Variants in RANBP17 observed in about 807,000 individuals in gnomAD.
The protein encoded by RANBP17 is RAN binding protein 17, also known as ran-binding protein 17.
Under a neutral mutation model 141.2 loss-of-function variants are expected in RANBP17, and 158 were observed. The ratio of observed to expected loss-of-function variants is 1.12; its 90% CI spans 0.98 to 1.28. RANBP17 has a LOEUF of 1.28. Among genes scored for constraint, RANBP17 ranks in the 50% most tolerant of loss-of-function variants. RANBP17 has a pLI of 0.00. For missense variants in RANBP17, 1,438 were observed against 1,290.7 expected, an observed-to-expected ratio of 1.11 and a Z score of -1.75; for synonymous variants, 430 against 450.0, an observed-to-expected ratio of 0.96 and a Z score of 0.56.
At chr5:170,888,157 T>C (rs1008086557) in intron 3 of RANBP17, among the ~76,000 whole-genome samples, 4 of 152,226 alleles carry the variant, frequency 2.6e-5, no homozygotes, top group African/African-American at 9.6e-5. Context: ...GTGTTGGCTA[T>C]TTTGGTATTG....
At chr5:171,191,753 G>C (rs979805440) in intron 18 of RANBP17, among the ~76,000 whole-genome samples, 1 of 151,748 alleles carries the variant, frequency 6.6e-6, no homozygotes, top group East Asian at 1.9e-4. Context: ...GGTCAGCCAT[G>C]TATGTAGTGG....
chr5:170,930,641 A>G (rs1480159715), intron 12 of RANBP17, among the ~76,000 whole-genome samples: 2 of 151,954 alleles, frequency 1.3e-5, no homozygotes, highest in Admixed American at 6.6e-5. Context: ...GTTCCCACCT[A>G]TGAGTGAGAA....
chr5:171,186,803 G>T (rs1284308407), intron 18 of RANBP17, among the ~76,000 whole-genome samples: 1 of 151,732 alleles, frequency 6.6e-6, no homozygotes, highest in Non-Finnish European at 1.5e-5. Flanking sequence ...CCCAACACTG[G>T]TATGATTTTC....
At chr5:171,022,161 G>C (rs1780905589) in intron 14 of RANBP17, among the ~76,000 whole-genome samples, 1 of 152,106 alleles carries the variant, frequency 6.6e-6, no homozygotes, top group Non-Finnish European at 1.5e-5. Flanking sequence ...CAGGAAAGAT[G>C]GGTCCCTGCT....
chr5:171,080,321 C>T (rs1398851619), intron 14 of RANBP17, among the ~76,000 whole-genome samples: 1 of 151,862 alleles, frequency 6.6e-6, no homozygotes, highest in African/African-American at 2.4e-5. Context: ...TAGGAAATGA[C>T]AGTGTAAATG....
In RANBP17 at chr5:170,934,229, A is replaced by T. The variant is rs373650392; in HGVS notation, c.1468+9679A>T. Among the ~76,000 whole-genome samples the T allele has an allele frequency of 4.1e-4, 62 of 152,188 alleles. 1 individual carries two copies. In the South Asian group the frequency reaches 0.012, roughly 31 times the overall value. On this transcript the variant is annotated intron_variant, in intron 12 of 27. Transcript: ENST00000523189. ...AAAGTCTGTTTTATCAGAGACTAGG[A>T]TTGCAACCCCTGCTTTTTTTGTTTT...
intron 14 of RANBP17, among the ~76,000 whole-genome samples, chr5:171,098,145 T>C (rs1786839688): frequency 6.6e-6 from 1 of 152,198 alleles, no homozygotes; most frequent in African/African-American, 2.4e-5. Context: ...CCTTTGGGTA[T>C]ATACCCAGTA....
intron 14 of RANBP17, among the ~76,000 whole-genome samples, chr5:170,980,338 A>C (rs1044993733): frequency 6.6e-6 from 1 of 152,220 alleles, no homozygotes; most frequent in African/African-American, 2.4e-5. Context: ...AGAAATTTGT[A>C]TAAGTAATGA....
At chr5:171,252,103 T>C in intron 24 of RANBP17, 3 of 1,597,862 alleles carry the variant, frequency 1.9e-6, no homozygotes, top group East Asian at 4.5e-5. Context: ...GAAGAAAAAG[T>C]TGGAGTAATA....
chr5:171,177,422 G>T (rs1760557307), intron 16 of RANBP17, among the ~76,000 whole-genome samples: 1 of 152,086 alleles, frequency 6.6e-6, no homozygotes, highest in African/African-American at 2.4e-5. Context: ...ACTTAAATTT[G>T]AGTCCTTTGA....
intron 25 of RANBP17, among the ~76,000 whole-genome samples, chr5:171,280,295 T>C (rs1767776453): frequency 6.6e-6 from 1 of 152,138 alleles, no homozygotes; most frequent in South Asian, 2.1e-4. Flanking sequence ...GTTTTTGTTT[T>C]TAAATAGGAT....
intron 14 of RANBP17, among the ~76,000 whole-genome samples, chr5:171,041,801 A>G (rs1297764529): frequency 6.6e-6 from 1 of 151,920 alleles, no homozygotes; most frequent in East Asian, 1.9e-4. Flanking sequence ...TTACAGAGGT[A>G]AATGTGTGCG....
intron 14 of RANBP17, among the ~76,000 whole-genome samples, chr5:171,095,920 A>C (rs1197791724): frequency 6.6e-6 from 1 of 152,126 alleles, no homozygotes; most frequent in Non-Finnish European, 1.5e-5. Flanking sequence ...TGCCCTTAAA[A>C]TAAAGGAAGG....
intron 7 of RANBP17, 155 bp downstream of exon 7, chr5:170,911,289 A>G (rs1016943757): frequency 9.3e-6 from 6 of 643,574 alleles, no homozygotes; most frequent in Admixed American, 5.9e-5. Context: ...TAATATTGAA[A>G]TGTTTTCTGT....
At chr5:171,201,388 A>G (rs1276140576) in intron 19 of RANBP17, among the ~76,000 whole-genome samples, 1 of 152,250 alleles carries the variant, frequency 6.6e-6, no homozygotes, top group Non-Finnish European at 1.5e-5. Flanking sequence ...GATCAATAGC[A>G]ACGTAATGAT....
intron 21 of RANBP17, among the ~76,000 whole-genome samples, chr5:171,216,979 G>C (rs780148590): frequency 3.9e-5 from 6 of 152,148 alleles, no homozygotes; most frequent in African/African-American, 7.2e-5. Context: ...AGGCATCGTT[G>C]TCTTGTGCTG....
chr5:171,065,844 C>T (rs1784279342), intron 14 of RANBP17, among the ~76,000 whole-genome samples: 1 of 151,934 alleles, frequency 6.6e-6, no homozygotes, highest in South Asian at 2.1e-4. Flanking sequence ...TCATTAATTT[C>T]CTAGCTATTC....
chr5:170,925,440 A>G (rs1259184042), intron 12 of RANBP17, among the ~76,000 whole-genome samples: 1 of 152,062 alleles, frequency 6.6e-6, no homozygotes, highest in Non-Finnish European at 1.5e-5. Context: ...GACAACTAAC[A>G]CTTTTGCAGC....
intron 14 of RANBP17, among the ~76,000 whole-genome samples, chr5:171,122,902 A>G (rs922254968): frequency 6.6e-5 from 10 of 152,130 alleles, no homozygotes; most frequent in Admixed American, 5.2e-4. Context: ...GCATCCTCCC[A>G]TGTCCACTCA....
Sources: allele counts gnomAD v4.1 joint callset (sites outside exome capture counted in the v4.1 genomes callset), GRCh38; gene constraint gnomAD v4.1.1; transcripts MANE v1.5; gene names NCBI Gene and HGNC (gene_info 2026-07-23, HGNC 2026-07-21).